PRDM5: variants seen among roughly 807,000 people sequenced by gnomAD.
The protein encoded by PRDM5 is PR domain zinc finger protein 5.
A neutral mutation model predicts 81.2 loss-of-function variants in PRDM5; 56 were observed. The observed-to-expected ratio is 0.69, with a 90% CI of 0.56 to 0.86. The LOEUF (loss-of-function observed/expected upper bound fraction) is 0.86, where lower values mean the gene tolerates loss of function less well. Ranked by LOEUF, PRDM5 falls within the 40% of genes least tolerant of loss-of-function variation. The pLI is 0.00. For missense variants in PRDM5, 697 were observed against 770.1 expected, an observed-to-expected ratio of 0.91 and a Z score of 1.12; for synonymous variants, 267 against 256.4, an observed-to-expected ratio of 1.04 and a Z score of -0.39.
At chr4:120,712,078 C>G (rs560458384) in intron 14 of PRDM5, among the ~76,000 whole-genome samples, 5 of 152,020 alleles carry the variant, frequency 3.3e-5, no homozygotes, top group African/African-American at 9.6e-5. Context: ...CTGAGGTCAG[C>G]AGTTTGAGAC....
At chr4:120,801,612 AG>A (rs1752130963) in intron 8 of PRDM5, among the ~76,000 whole-genome samples, 1 of 152,240 alleles carries the variant, frequency 6.6e-6, no homozygotes, top group Non-Finnish European at 1.5e-5. Flanking sequence ...GGCATCTATG[AG>A]GGGATATCTA....
At chr4:120,755,590 T>C (rs1456506360) in intron 13 of PRDM5, among the ~76,000 whole-genome samples, 1 of 152,200 alleles carries the variant, frequency 6.6e-6, no homozygotes, top group African/African-American at 2.4e-5. Flanking sequence ...CTGATCTTAA[T>C]TCAATCTGGA....
intron 3 of PRDM5, among the ~76,000 whole-genome samples, chr4:120,846,936 C>A (rs1578969810): frequency 6.6e-6 from 1 of 152,124 alleles, no homozygotes; most frequent in Non-Finnish European, 1.5e-5. Context: ...AAAGTCAGAG[C>A]CCGGGATCTA....
At chr4:120,746,307 T>A (rs1743030250) in intron 14 of PRDM5, among the ~76,000 whole-genome samples, 1 of 148,358 alleles carries the variant, frequency 6.7e-6, no homozygotes, top group South Asian at 2.2e-4. Flanking sequence ...GACTTAAATG[T>A]TAGACCTAAA....
chr4:120,868,720 G>C (rs537117961), intron 2 of PRDM5, among the ~76,000 whole-genome samples: 2 of 152,224 alleles, frequency 1.3e-5, no homozygotes, highest in South Asian at 4.1e-4. Context: ...TGGATAGTAG[G>C]TAACACAAAG....
chr4:120,904,341 G>A (rs1193181519), intron 2 of PRDM5, among the ~76,000 whole-genome samples: 12 of 152,006 alleles, frequency 7.9e-5, no homozygotes, highest in Non-Finnish European at 4.4e-5. Context: ...GAAGGGGAGG[G>A]GGAAGGTATA....
chr4:120,700,889 C>T (rs1184980691), intron 15 of PRDM5, among the ~76,000 whole-genome samples: 1 of 152,142 alleles, frequency 6.6e-6, no homozygotes, highest in Non-Finnish European at 1.5e-5. Context: ...CTTTGGAAGG[C>T]CAAGGTGGGC....
intron 3 of PRDM5, among the ~76,000 whole-genome samples, chr4:120,840,949 C>A (rs939476064): frequency 5.3e-5 from 8 of 152,344 alleles, no homozygotes; most frequent in Middle Eastern, 3.4e-3. Context: ...CCATGGCTCA[C>A]CTCCAGCTGT....
At chr4:120,862,481 G>T (rs993392719) in intron 2 of PRDM5, among the ~76,000 whole-genome samples, 3 of 152,202 alleles carry the variant, frequency 2.0e-5, no homozygotes, top group African/African-American at 7.2e-5. Flanking sequence ...GGACCAAGAT[G>T]AAAAGTAAGA....
chr4:120,696,178 A>G (rs1734498574), intron 15 of PRDM5, among the ~76,000 whole-genome samples: 2 of 152,094 alleles, frequency 1.3e-5, no homozygotes, highest in South Asian at 2.1e-4. Context: ...ATCCAATAAT[A>G]ATGAATTTTG....
intron 2 of PRDM5, among the ~76,000 whole-genome samples, chr4:120,882,605 T>C (rs1762966996): frequency 6.6e-6 from 1 of 152,216 alleles, no homozygotes; most frequent in East Asian, 1.9e-4. Context: ...GAAATAACCA[T>C]TTTATAATAC....
At chr4:120,714,551 G>A (rs1353188897) in intron 14 of PRDM5, among the ~76,000 whole-genome samples, 1 of 151,990 alleles carries the variant, frequency 6.6e-6, no homozygotes, top group Non-Finnish European at 1.5e-5. Flanking sequence ...AACGCATGTT[G>A]TTTATGCCTA....
At chr4:120,782,080 A>G (rs1190799448) in intron 11 of PRDM5, among the ~76,000 whole-genome samples, 1 of 151,730 alleles carries the variant, frequency 6.6e-6, no homozygotes, top group Non-Finnish European at 1.5e-5. Context: ...TGCTATTTTT[A>G]TAGTTCTTCT....
intron 2 of PRDM5, among the ~76,000 whole-genome samples, chr4:120,863,175 A>AAAAAAT (rs1553997140): frequency 1.6e-3 from 95 of 60,642 alleles, no homozygotes; most frequent in African/African-American, 5.6e-3. Context: ...AAAAAAAAAA[A>AAAAAAT]ATATATATAT....
intron 14 of PRDM5, 137 bp from the exon 15 acceptor site, chr4:120,710,550 C>A: frequency 2.7e-6 from 2 of 743,094 alleles, no homozygotes; most frequent in South Asian, 2.9e-5. Context: ...TTTGGCTGTG[C>A]CCCACCCAAA....
intron 1 of PRDM5, among the ~76,000 whole-genome samples, chr4:120,915,935 A>G (rs909381291): frequency 1.3e-5 from 2 of 152,148 alleles, no homozygotes; most frequent in African/African-American, 4.8e-5. Context: ...AGCACCAAAA[A>G]ATAACACAGC....
At chr4:120,731,510 G>A (rs1400975719) in intron 14 of PRDM5, 1 of 152,014 alleles carries the variant, frequency 6.6e-6, no homozygotes, top group Middle Eastern at 3.2e-3. Flanking sequence ...AAATGAGACT[G>A]GAGAAAAATC....
At chr4:120,903,421 C>T (rs1765424261) in intron 2 of PRDM5, among the ~76,000 whole-genome samples, 1 of 152,190 alleles carries the variant, frequency 6.6e-6, no homozygotes, top group Non-Finnish European at 1.5e-5. Context: ...AAAGGACTTT[C>T]AATGGTATAA....
At chr4:120,818,658 C>T (rs948353155) in intron 4 of PRDM5, 131 bp from the exon 5 acceptor site, 3 of 771,984 alleles carry the variant, frequency 3.9e-6, no homozygotes, top group African/African-American at 3.5e-5. Flanking sequence ...CTTATTATCA[C>T]TATAAATATT....
Sources: allele counts gnomAD v4.1 joint callset (sites outside exome capture counted in the v4.1 genomes callset), GRCh38; gene constraint gnomAD v4.1.1; transcripts MANE v1.5; gene names NCBI Gene and HGNC (gene_info 2026-07-23, HGNC 2026-07-21).